CELF2: variants seen among roughly 807,000 people sequenced by gnomAD.
CELF2 encodes CUG triplet repeat RNA-binding protein 2.
In CELF2, 8 loss-of-function variants were observed where a neutral mutation model predicts 62.6. That is an observed-to-expected ratio of 0.13 (90% CI 0.07 to 0.23). The LOEUF (loss-of-function observed/expected upper bound fraction) is 0.23. Among genes scored for constraint, CELF2 ranks in the 10% least tolerant of loss-of-function variants. The pLI is 1.00. For synonymous variants in CELF2, 258 were observed against 250.0 expected (o/e 1.03, Z -0.30); for missense variants, 333 against 671.0 (o/e 0.50, Z 5.56).
Position 11,207,547 on chromosome 10 carries a change from A to G in CELF2, c.272-9878A>G, listed in dbSNP as rs565017904. Among the ~76,000 whole-genome samples, 53 of 152,378 alleles carry G rather than the reference A, an allele frequency of 3.5e-4. 1 individual carries two copies. In the South Asian group the frequency reaches 0.011, roughly 30 times the overall value. On this transcript the variant is annotated intron_variant, in intron 2 of 12. Transcript: ENST00000633077. This position sits in a 1 kb window ranked among gnomAD's most constrained non-coding sequence, Gnocchi z 4.1. The stretch of plus-strand genomic sequence containing the variant: ...AGGAATCTTGCAGGGAAAGTGAGGA[A>G]GGATGTTGGTGGAGCATCGCACGAC...
chr10:10,584,691 C>T, the CELF2 span, among the ~76,000 whole-genome samples: 6 of 152,158 alleles, frequency 3.9e-5, no homozygotes, highest in African/African-American at 1.4e-4. Flanking sequence ...GTAAGGAGAG[C>T]ATTGGAACCA....
chr10:10,770,825 G>A, the CELF2 span, among the ~76,000 whole-genome samples: 20,540 of 152,144 alleles, frequency 0.14, 1,765 homozygotes, highest in East Asian at 0.31. Flanking sequence ...TGCTTGATGT[G>A]TTATCCATCC....
rs1002849578 is a variant in CELF2, at chr10:11,335,098, C to G, written c.*6045C>G. ...TCAAGTCGTCTTCATAGTTTACTGT[C>G]CTTTTCCAAACAAAAGCTAATAACG... is the stretch of plus-strand genomic sequence containing the variant. On this transcript the variant is annotated 3_prime_UTR_variant, in exon 13 of 13. Coordinates refer to ENST00000633077, the MANE Select transcript of CELF2 (RefSeq NM_001326342.2). The surrounding 1 kb of genome is among the most constrained non-coding windows in gnomAD (Gnocchi z 5.0). The G allele has an allele frequency of 1.3e-5, 2 of 152,194 alleles. No individual in the cohort carries two copies. The highest frequency in any genetic ancestry group is 4.8e-5 in the African/African-American group (2 of 41,436). 9.4% of individuals were successfully genotyped at this position (152,194 alleles called of 1,614,324 possible).
chr10:11,176,476 G>T (rs1274775223), intron 2 of CELF2, among the ~76,000 whole-genome samples: 1 of 152,214 alleles, frequency 6.6e-6, no homozygotes, highest in African/African-American at 2.4e-5. Flanking sequence ...AACCATCACA[G>T]GAGACATGTA....
At position 11,328,912 on chromosome 10, in the gene CELF2, T is replaced by C. The variant is rs2095903661; in HGVS notation, c.1439-14T>C. The C allele has an allele frequency of 1.9e-6, 3 of 1,605,566 alleles. No individual in the cohort carries two copies. Among genetic ancestry groups the C allele is most frequent in the African/African-American group, 2.7e-5 (2 of 74,658 alleles). On this transcript the variant is annotated splice_polypyrimidine_tract_variant and intron_variant, in intron 12 of 12. Coordinates refer to ENST00000633077, the MANE Select transcript of CELF2 (RefSeq NM_001326342.2). This position sits in a 1 kb window ranked among gnomAD's most constrained non-coding sequence, Gnocchi z 6.4. Reference sequence around the variant, plus strand: ...TTCCTCTCCAGGCTGACTCCCTCTCTCGGTATTTTCCAGGTTTTGTTAGCT... The same window carrying C: ...TTCCTCTCCAGGCTGACTCCCTCTCCCGGTATTTTCCAGGTTTTGTTAGCT...
intron 2 of CELF2, among the ~76,000 whole-genome samples, chr10:11,216,389 C>A (rs2063366030): frequency 6.6e-6 from 1 of 152,148 alleles, no homozygotes; most frequent in Non-Finnish European, 1.5e-5. Context: ...TTAATAAAGC[C>A]AAAATAAAAT....
chr10:10,763,558 T>G, the CELF2 span, among the ~76,000 whole-genome samples: 1 of 152,224 alleles, frequency 6.6e-6, no homozygotes, highest in African/African-American at 2.4e-5. Flanking sequence ...AGGAGGAAGA[T>G]GCAGAAAGGA....
chr10:11,112,070 C>T (rs1016720697), intron 1 of CELF2, among the ~76,000 whole-genome samples: 2 of 152,160 alleles, frequency 1.3e-5, no homozygotes, highest in Non-Finnish European at 2.9e-5. Flanking sequence ...TCAAGGAGAC[C>T]TCTTAGATAT....
the CELF2 span, among the ~76,000 whole-genome samples, chr10:10,550,254 G>T: frequency 6.6e-6 from 1 of 152,186 alleles, no homozygotes; most frequent in Non-Finnish European, 1.5e-5. Flanking sequence ...TCTTTAAGTG[G>T]AAGTGGATCA....
the CELF2 span, among the ~76,000 whole-genome samples, chr10:10,758,540 G>A: frequency 2.6e-5 from 4 of 151,992 alleles, no homozygotes; most frequent in Admixed American, 2.6e-4. Context: ...GGATCACATT[G>A]GTGTCCCATT....
chr10:10,845,383 G>A (rs2058948032), intron 1 of CELF2, among the ~76,000 whole-genome samples: 1 of 148,932 alleles, frequency 6.7e-6, no homozygotes, highest in Non-Finnish European at 1.5e-5. Context: ...CTATGTTCTC[G>A]GGATAGTATC....
At chr10:10,616,401 A>C in the CELF2 span, among the ~76,000 whole-genome samples, 1 of 151,586 alleles carries the variant, frequency 6.6e-6, no homozygotes, top group Non-Finnish European at 1.5e-5. Flanking sequence ...TGTTATGGAA[A>C]GAATTCTCTC....
chr10:11,033,717 GT>G (rs1265350141), intron 1 of CELF2, among the ~76,000 whole-genome samples: 4 of 152,188 alleles, frequency 2.6e-5, no homozygotes, highest in Admixed American at 6.5e-5. Context: ...AATTCTCAGG[GT>G]TTCTTGTGAG....
chr10:10,880,953 T>C (rs2061402007), intron 1 of CELF2, among the ~76,000 whole-genome samples: 1 of 152,220 alleles, frequency 6.6e-6, no homozygotes, highest in South Asian at 2.1e-4. Flanking sequence ...TATTCTTCCT[T>C]ATTTATAGTG....
chr10:10,559,691 A>G, the CELF2 span, among the ~76,000 whole-genome samples: 5 of 152,190 alleles, frequency 3.3e-5, no homozygotes, highest in African/African-American at 9.6e-5. Context: ...AGTCATCTAC[A>G]TCTCCAGTGC....
At chr10:11,304,192 C>G (rs1467209458) in intron 9 of CELF2, among the ~76,000 whole-genome samples, 5 of 152,160 alleles carry the variant, frequency 3.3e-5, no homozygotes, top group African/African-American at 1.2e-4. Flanking sequence ...CGGGGTAAAT[C>G]CATTTCCTTT....
chr10:11,238,674 A>G (rs1448371378), intron 3 of CELF2, among the ~76,000 whole-genome samples: 3 of 152,222 alleles, frequency 2.0e-5, no homozygotes, highest in Non-Finnish European at 2.9e-5. Flanking sequence ...TCTAATGGGA[A>G]GGTTAAAAAA....
chr10:10,750,098 A>G, the CELF2 span, among the ~76,000 whole-genome samples: 14 of 152,214 alleles, frequency 9.2e-5, no homozygotes, highest in Admixed American at 5.2e-4. Flanking sequence ...CCTGGCCAAC[A>G]TGGTGAAACC....
At chr10:11,322,485 C>T (rs1373324401) in intron 11 of CELF2, among the ~76,000 whole-genome samples, 2 of 152,128 alleles carry the variant, frequency 1.3e-5, no homozygotes, top group Non-Finnish European at 2.9e-5. Flanking sequence ...TTTTTTCTGA[C>T]TTGTTTAAAT....
Sources: gnomAD v4.1 joint callset for allele counts (sites outside exome capture counted in the v4.1 genomes callset) on GRCh38, gnomAD v4.1.1 for gene constraint, Gnocchi (gnomAD v3.1) non-coding constraint, MANE v1.5 for transcripts, NCBI Gene and HGNC (gene_info 2026-07-23, HGNC 2026-07-21) for gene names.